Variants in DIP2C observed in about 807,000 individuals in gnomAD.
DIP2C encodes disco-interacting protein 2 homolog C.
In DIP2C, 33 loss-of-function variants were observed where a neutral mutation model predicts 192.4. The ratio of observed to expected loss-of-function variants is 0.17; its 90% CI spans 0.13 to 0.23. The LOEUF (loss-of-function observed/expected upper bound fraction) is 0.23, where lower values mean the gene tolerates loss of function less well. Ranked by LOEUF, DIP2C falls within the 10% of genes least tolerant of loss-of-function variation. The probability of loss-of-function intolerance (pLI) is 1.00; values close to 1 mark genes in which losing one functional copy is unlikely to be tolerated. For missense variants in DIP2C, 1,537 were observed against 2,110.1 expected (o/e 0.73, Z 5.32); for synonymous variants, 979 against 864.1 (o/e 1.13, Z -2.33).
rs1564679913 is a variant in DIP2C at position 414,738 on chromosome 10, TGTA to T, written c.860-631_860-629del. Among the ~76,000 whole-genome samples the T allele has an allele frequency of 6.9e-3, 599 of 86,390 alleles. 21 individuals carry two copies. The highest frequency in any genetic ancestry group is 0.013 in the African/African-American group (274 of 20,906). The allele number at this position is 86,390 out of a possible 152,430, so 56.7% of individuals were successfully genotyped here. A position where few individuals can be genotyped will look rare whatever the true frequency, so the allele number is the denominator to read the frequency against. Reference sequence around the variant, plus strand: ...GTGTGTGTGTGTGTGTGTGTGTGTGTGTACATATATATATATATAATGTGTATA... The same window carrying T: ...GTGTGTGTGTGTGTGTGTGTGTGTGTCATATATATATATATAATGTGTATA... On this transcript the variant is annotated intron_variant, in intron 7 of 36. Transcript: ENST00000280886.
intron 28 of DIP2C, 131 bp downstream of exon 28, chr10:344,678 C>A (rs979975830): frequency 9.8e-5 from 71 of 723,806 alleles, no homozygotes; most frequent in Non-Finnish European, 1.6e-4. Flanking sequence ...GTGAATGAAA[C>A]ACGTATGTAT....
At chr10:517,354 G>A (rs1846428161) in intron 1 of DIP2C, among the ~76,000 whole-genome samples, 1 of 152,150 alleles carries the variant, frequency 6.6e-6, no homozygotes, top group African/African-American at 2.4e-5. Flanking sequence ...TTAGGTGAAG[G>A]AACAAGGGAG....
At chr10:499,328 C>A (rs1297572332) in intron 1 of DIP2C, among the ~76,000 whole-genome samples, 1 of 147,570 alleles carries the variant, frequency 6.8e-6, no homozygotes, top group Admixed American at 6.7e-5. Flanking sequence ...CTGGGCTCCC[C>A]CTCTGTGGAC....
At chr10:664,808 A>G (rs1337183403) in intron 1 of DIP2C, 2 of 152,232 alleles carry the variant, frequency 1.3e-5, no homozygotes, top group Non-Finnish European at 2.9e-5. Context: ...GAATTTTTAA[A>G]TAAATATCAG....
At chr10:684,090 C>A (rs1211892279) in intron 1 of DIP2C, among the ~76,000 whole-genome samples, 8 of 152,212 alleles carry the variant, frequency 5.3e-5, no homozygotes, top group Admixed American at 5.2e-4. Flanking sequence ...AGCTTCCTGG[C>A]TAAATTTGAT....
At chr10:463,813 G>T (rs914097794) in intron 3 of DIP2C, among the ~76,000 whole-genome samples, 4 of 152,110 alleles carry the variant, frequency 2.6e-5, no homozygotes, top group African/African-American at 9.7e-5. Flanking sequence ...CAAGGGAACA[G>T]AACAGAGGCC....
At chr10:434,241 A>G (rs1181297737) in intron 4 of DIP2C, among the ~76,000 whole-genome samples, 1 of 152,228 alleles carries the variant, frequency 6.6e-6, no homozygotes, top group Non-Finnish European at 1.5e-5. Flanking sequence ...ATCTATTAAG[A>G]AAAATAAAAG....
At chr10:338,169 G>A (rs1957962094) in intron 29 of DIP2C, among the ~76,000 whole-genome samples, 1 of 152,234 alleles carries the variant, frequency 6.6e-6, no homozygotes, top group South Asian at 2.1e-4. Flanking sequence ...TGTTTTTATA[G>A]ATGAGTCAAA....
chr10:598,296 T>C (rs1851839046), intron 1 of DIP2C, among the ~76,000 whole-genome samples: 1 of 151,866 alleles, frequency 6.6e-6, no homozygotes, highest in Admixed American at 6.5e-5. Context: ...AGGGCCTCTC[T>C]TCCCACCCCG....
chr10:341,622 TG>T (rs1958153764), intron 28 of DIP2C, among the ~76,000 whole-genome samples: 1 of 152,146 alleles, frequency 6.6e-6, no homozygotes, highest in Non-Finnish European at 1.5e-5. Flanking sequence ...ACTGAATGCA[TG>T]GGACTTCATA....
At chr10:625,533 G>T (rs998910188) in intron 1 of DIP2C, among the ~76,000 whole-genome samples, 1 of 152,172 alleles carries the variant, frequency 6.6e-6, no homozygotes, top group African/African-American at 2.4e-5. Context: ...GGCCTCGGTG[G>T]CCTGTGCCAG....
At chr10:580,029 ATC>A (rs1197696015) in intron 1 of DIP2C, among the ~76,000 whole-genome samples, 14 of 152,260 alleles carry the variant, frequency 9.2e-5, no homozygotes, top group Admixed American at 2.0e-4. Context: ...ATGTACACGC[ATC>A]TCTATCCAGT....
In DIP2C at chr10:506,859, G is replaced by T. The variant is rs991418722; in HGVS notation, c.86-20329C>A. 2.6e-5 allele frequency among the ~76,000 whole-genome samples: 4 copies of T among 152,234 alleles called. No individual in the cohort carries two copies. The East Asian group carries it at 7.7e-4, about 29-fold the overall frequency. On this transcript the variant is annotated intron_variant, in intron 1 of 36. Coordinates refer to ENST00000280886, the MANE Select transcript of DIP2C (RefSeq NM_014974.3). ...CAGCTGTGCATGATCAGAGGTGTGA[G>T]GTTATGGACATGGTCACACACTGTG... is the stretch of plus-strand genomic sequence containing the variant.
chr10:392,724 C>A (rs1486709337), intron 10 of DIP2C, among the ~76,000 whole-genome samples: 1 of 133,042 alleles, frequency 7.5e-6, no homozygotes, highest in Non-Finnish European at 1.6e-5. Context: ...ACACACGCGC[C>A]CAGGTACACA....
In DIP2C at chr10:363,323, C is replaced by G. The variant is rs748731595; in HGVS notation, c.2478-12G>C. Reference sequence around the variant, plus strand: ...AGAACACGGCTATCCTGCGGGGACACAGGAGCATGGTGAGCACGCGCCGGG... The same window carrying G: ...AGAACACGGCTATCCTGCGGGGACAGAGGAGCATGGTGAGCACGCGCCGGG... On this transcript the variant is annotated splice_polypyrimidine_tract_variant and intron_variant, in intron 20 of 36. Transcript: ENST00000280886. This position sits in a 1 kb window ranked among gnomAD's most constrained non-coding sequence, Gnocchi z 5.4. 1 of 1,609,424 alleles carries G rather than the reference C, an allele frequency of 6.2e-7. No individual in the cohort carries two copies. Among genetic ancestry groups the G allele is most frequent in the Non-Finnish European group, 8.5e-7 (1 of 1,179,620 alleles).
chr10:685,773 C>A (rs893399839), intron 1 of DIP2C, among the ~76,000 whole-genome samples: 2 of 152,028 alleles, frequency 1.3e-5, no homozygotes, highest in Non-Finnish European at 2.9e-5. Context: ...ACCAGCCTAG[C>A]CAACATGATG....
chr10:596,649 G>C (rs965982059), intron 1 of DIP2C, among the ~76,000 whole-genome samples: 3 of 151,974 alleles, frequency 2.0e-5, no homozygotes, highest in Admixed American at 6.6e-5. Context: ...CTCCCTGACA[G>C]AAGGCTGCAC....
Position 422,951 on chromosome 10 carries a change from A to G in DIP2C, c.477T>C (p.Asn159=), listed in dbSNP as rs370336101. The change falls in exon 5 of 37, where the codon AAT becomes AAC. Residue 159 remains asparagine (N), a synonymous_variant. Coordinates refer to ENST00000280886, the MANE Select transcript of DIP2C (RefSeq NM_014974.3). ...TGGCCTGGCTGATCCAGTGCTCCAT[A>G]TTGATGCTGCCCTGGCTGGAGGTGG... ...GTPTSSQGSI[N]MEHWISQAIH... The G allele has an allele frequency of 1.1e-5, 17 of 1,614,054 alleles. No individual in the cohort carries two copies. The highest frequency in any genetic ancestry group is 5.3e-5 in the African/African-American group (4 of 74,944).
At chr10:422,591 G>A (rs1354431811) in intron 5 of DIP2C, among the ~76,000 whole-genome samples, 6 of 152,200 alleles carry the variant, frequency 3.9e-5, no homozygotes, top group African/African-American at 7.2e-5. Context: ...GAGCGGATAC[G>A]GCTGCAGGAT....
Sources: allele counts gnomAD v4.1 joint callset (sites outside exome capture counted in the v4.1 genomes callset), GRCh38; gene constraint gnomAD v4.1.1; non-coding constraint Gnocchi (gnomAD v3.1); transcripts MANE v1.5; gene names NCBI Gene and HGNC (gene_info 2026-07-23, HGNC 2026-07-21).